GALNT13: variants seen among roughly 807,000 people sequenced by gnomAD.
GALNT13 encodes the protein UDP-GalNAc:polypeptide N-acetylgalactosaminyltransferase 13.
In GALNT13, 28 loss-of-function variants were observed where a neutral mutation model predicts 64.2. The observed-to-expected ratio is 0.44, with a 90% CI of 0.32 to 0.60. The LOEUF is 0.60. Among genes scored for constraint, GALNT13 ranks in the 20% least tolerant of loss-of-function variants. The pLI is 0.05. For missense variants in GALNT13, 577 were observed against 669.8 expected (o/e 0.86, Z 1.53); for synonymous variants, 214 against 224.6 (o/e 0.95, Z 0.42).
the GALNT13 span, among the ~76,000 whole-genome samples, chr2:153,090,783 G>A: frequency 2.0e-4 from 31 of 152,258 alleles, no homozygotes; most frequent in African/African-American, 5.3e-4. Context: ...CTTCTTGGGC[G>A]GGGCTTGCTG....
chr2:153,558,201 A>G, the GALNT13 span, among the ~76,000 whole-genome samples: 6 of 152,244 alleles, frequency 3.9e-5, no homozygotes, highest in Non-Finnish European at 7.3e-5. Flanking sequence ...ACATTAGAGT[A>G]TAACCTAACC....
chr2:153,136,515 A>G, the GALNT13 span, among the ~76,000 whole-genome samples: 1 of 152,206 alleles, frequency 6.6e-6, no homozygotes, highest in East Asian at 1.9e-4. Flanking sequence ...CACAGTTAGT[A>G]CAAAACATAA....
chr2:153,951,177 A>G (rs924474299), intron 3 of GALNT13, among the ~76,000 whole-genome samples: 1 of 152,124 alleles, frequency 6.6e-6, no homozygotes, highest in African/African-American at 2.4e-5. Flanking sequence ...TTACAGTCCT[A>G]GATTTGATTT....
intron 9 of GALNT13, among the ~76,000 whole-genome samples, chr2:154,345,293 A>T (rs1341860411): frequency 1.3e-5 from 2 of 152,044 alleles, no homozygotes; most frequent in East Asian, 3.9e-4. Context: ...CCTGAGATCA[A>T]GAATAACCTC....
intron 3 of GALNT13, among the ~76,000 whole-genome samples, chr2:154,128,702 A>G (rs1682441347): frequency 6.6e-6 from 1 of 152,146 alleles, no homozygotes; most frequent in South Asian, 2.1e-4. Context: ...TTGGTAGAAC[A>G]TGGAGCTTTT....
rs144986760 is a variant in GALNT13 at position 154,023,371 on chromosome 2, T to C, written c.142+78732T>C. Among the ~76,000 whole-genome samples the C allele has an allele frequency of 2.1e-3, 313 of 152,332 alleles. 1 individual carries two copies. Among genetic ancestry groups the C allele is most frequent in the Non-Finnish European group, 3.6e-3 (243 of 68,030 alleles). The stretch of plus-strand genomic sequence containing the variant: ...TAAGGACTTGCTTTATGAATCTGGG[T>C]GCTCCTGTATTGGGTATATGTATAT... On this transcript the variant is annotated intron_variant, in intron 3 of 12. Transcript: ENST00000392825.
At chr2:153,145,719 C>A in the GALNT13 span, among the ~76,000 whole-genome samples, 2 of 151,858 alleles carry the variant, frequency 1.3e-5, no homozygotes, top group Non-Finnish European at 2.9e-5. Flanking sequence ...AAGTTAAATG[C>A]TCAGAGGCTG....
At chr2:153,754,462 G>A in the GALNT13 span, among the ~76,000 whole-genome samples, 2 of 152,120 alleles carry the variant, frequency 1.3e-5, no homozygotes, top group Admixed American at 6.6e-5. Flanking sequence ...CTGGCCCAGA[G>A]TGTCTGGAAA....
intron 1 of GALNT13, among the ~76,000 whole-genome samples, chr2:153,875,660 T>G (rs1686314845): frequency 6.6e-6 from 1 of 152,208 alleles, no homozygotes; most frequent in Admixed American, 6.5e-5. Context: ...ATGGGTATTT[T>G]TATTCTTTAT....
At chr2:153,255,909 T>A in the GALNT13 span, among the ~76,000 whole-genome samples, 1 of 152,218 alleles carries the variant, frequency 6.6e-6, no homozygotes, top group Non-Finnish European at 1.5e-5. Context: ...ATTTTTTCCT[T>A]CATTTCAACT....
the GALNT13 span, among the ~76,000 whole-genome samples, chr2:153,558,617 T>TA: frequency 6.6e-6 from 1 of 152,074 alleles, no homozygotes; most frequent in East Asian, 1.9e-4. Flanking sequence ...TTTTTTTTTT[T>TA]AACCAATAAT....
chr2:153,429,770 T>C, the GALNT13 span, among the ~76,000 whole-genome samples: 1 of 152,222 alleles, frequency 6.6e-6, no homozygotes, highest in African/African-American at 2.4e-5. Flanking sequence ...TAAAATATTA[T>C]ACATTTGCCT....
At chr2:153,648,963 G>A in the GALNT13 span, among the ~76,000 whole-genome samples, 1 of 152,096 alleles carries the variant, frequency 6.6e-6, no homozygotes, top group South Asian at 2.1e-4. Flanking sequence ...TTGGTATCAG[G>A]ATGATGCTGG....
the GALNT13 span, among the ~76,000 whole-genome samples, chr2:153,465,250 TA>T: frequency 3.3e-5 from 5 of 151,996 alleles, no homozygotes; most frequent in Admixed American, 6.6e-5. Context: ...GCAACTACAG[TA>T]TTGTTGAAAG....
the GALNT13 span, among the ~76,000 whole-genome samples, chr2:153,652,648 A>G: frequency 6.6e-6 from 1 of 152,122 alleles, no homozygotes; most frequent in Non-Finnish European, 1.5e-5. Context: ...CAGAAAGATC[A>G]ATAACCATGA....
At chr2:153,394,522 C>T in the GALNT13 span, among the ~76,000 whole-genome samples, 1 of 152,086 alleles carries the variant, frequency 6.6e-6, no homozygotes, top group East Asian at 1.9e-4. Flanking sequence ...AATTCATCCT[C>T]ACTTCCCAAT....
At chr2:154,060,862 C>T (rs1472149304) in intron 3 of GALNT13, among the ~76,000 whole-genome samples, 1 of 151,938 alleles carries the variant, frequency 6.6e-6, no homozygotes, top group African/African-American at 2.4e-5. Flanking sequence ...ACAGGTCAGC[C>T]TCCAGGGGGA....
the GALNT13 span, among the ~76,000 whole-genome samples, chr2:153,806,531 G>T: frequency 6.6e-6 from 1 of 151,846 alleles, no homozygotes. Context: ...ATCAATTTAA[G>T]CATTGAATAT....
the GALNT13 span, among the ~76,000 whole-genome samples, chr2:153,682,807 T>C: frequency 1.3e-5 from 2 of 151,672 alleles, no homozygotes; most frequent in Non-Finnish European, 3.0e-5. Flanking sequence ...CTACAGAAAA[T>C]GTAATGGCTA....
Sources: gnomAD v4.1 joint callset for allele counts (sites outside exome capture counted in the v4.1 genomes callset) on GRCh38, gnomAD v4.1.1 for gene constraint, MANE v1.5 for transcripts, NCBI Gene and HGNC (gene_info 2026-07-23, HGNC 2026-07-21) for gene names.